GRHL1: variants seen among roughly 807,000 people sequenced by gnomAD.
GRHL1 encodes grainyhead like transcription factor 1.
In GRHL1, 38 loss-of-function variants were observed where a neutral mutation model predicts 75.7. The observed-to-expected ratio is 0.50, with a 90% CI of 0.39 to 0.66. GRHL1 has a LOEUF of 0.66. Ranked by LOEUF, GRHL1 falls within the 30% of genes least tolerant of loss-of-function variation. The pLI, the probability that GRHL1 is intolerant of heterozygous loss-of-function variation, is 0.00. For missense variants in GRHL1, 589 were observed against 767.5 expected, an observed-to-expected ratio of 0.77 and a Z score of 2.75; for synonymous variants, 266 against 279.4, an observed-to-expected ratio of 0.95 and a Z score of 0.48.
At chr2:9,981,021 A>G (rs1668174396) in intron 8 of GRHL1, among the ~76,000 whole-genome samples, 1 of 152,252 alleles carries the variant, frequency 6.6e-6, no homozygotes, top group South Asian at 2.1e-4. Flanking sequence ...GGGGCTGCCC[A>G]TTAGGTAGAA....
At chr2:9,991,913 T>C in intron 10 of GRHL1, 94 bp from the exon 11 acceptor site, 1 of 919,998 alleles carries the variant, frequency 1.1e-6, no homozygotes, top group Non-Finnish European at 1.6e-6. Flanking sequence ...ACTTGGAGTA[T>C]CTTACTCAGA....
chr2:9,993,088 C>T (rs559843531), intron 11 of GRHL1, 119 bp from the exon 12 acceptor site: 1 of 841,268 alleles, frequency 1.2e-6, no homozygotes, highest in African/African-American at 1.7e-5. Flanking sequence ...AAAACTAAGG[C>T]TAAAGGATTT....
intron 2 of GRHL1, among the ~76,000 whole-genome samples, chr2:9,957,084 T>A (rs1340481332): frequency 6.7e-6 from 1 of 150,028 alleles, no homozygotes; most frequent in Admixed American, 6.7e-5. Context: ...CACTGCAACC[T>A]CAACCTCCTG....
At chr2:9,999,472 G>A (rs558595532) in intron 15 of GRHL1, among the ~76,000 whole-genome samples, 6 of 152,336 alleles carry the variant, frequency 3.9e-5, no homozygotes, top group Middle Eastern at 3.4e-3. Flanking sequence ...GGTTGGGCAC[G>A]TCCCACGGTG....
intron 14 of GRHL1, 113 bp downstream of exon 14, chr2:9,996,514 C>T (rs567988210): frequency 7.2e-5 from 56 of 781,102 alleles, no homozygotes; most frequent in Non-Finnish European, 1.1e-4. Flanking sequence ...CTTCTGGAAT[C>T]CCTGACACCT....
intron 12 of GRHL1, among the ~76,000 whole-genome samples, chr2:9,994,067 G>GCTA (rs1668754423): frequency 7.0e-6 from 1 of 142,462 alleles, no homozygotes; most frequent in Non-Finnish European, 1.5e-5. Flanking sequence ...GGGGGCTGAC[G>GCTA]CTACCCCTCT....
At chr2:9,979,017 A>G (rs1668075845) in intron 8 of GRHL1, among the ~76,000 whole-genome samples, 1 of 151,386 alleles carries the variant, frequency 6.6e-6, no homozygotes. Context: ...AAAATTAGCC[A>G]GATGTAGTGG....
chr2:9,982,268 C>T (rs756656772), intron 8 of GRHL1, among the ~76,000 whole-genome samples: 6 of 152,154 alleles, frequency 3.9e-5, no homozygotes, highest in Non-Finnish European at 5.9e-5. Flanking sequence ...CTTTAATAAT[C>T]TCAGAGTTTT....
rs1477527993 is a variant in GRHL1, at chr2:10,001,970, G to A, written c.*1263G>A. ...TGTTACTATGGCAGGGGAACATTTTGTACACATTTAAGTATATAAAAATAC... is the reference window on the plus strand; with the variant it reads ...TGTTACTATGGCAGGGGAACATTTTATACACATTTAAGTATATAAAAATAC... On this transcript the variant is annotated 3_prime_UTR_variant, in exon 16 of 16. Transcript: ENST00000324907. 2.6e-5 allele frequency: 4 copies of A among 152,552 alleles called. No individual in the cohort carries two copies. The highest frequency in any genetic ancestry group is 5.9e-5 in the Non-Finnish European group (4 of 68,026). 9.4% of individuals were successfully genotyped at this position (152,552 alleles called of 1,614,324 possible).
At chr2:9,960,604 A>T (rs1344883525) in intron 3 of GRHL1, 1 of 162,152 alleles carries the variant, frequency 6.2e-6, no homozygotes, top group African/African-American at 2.4e-5. Flanking sequence ...ATGAGAATGG[A>T]TGCCATTATT....
chr2:9,983,515 C>T (rs569713952), intron 8 of GRHL1, among the ~76,000 whole-genome samples: 8 of 152,240 alleles, frequency 5.3e-5, no homozygotes, highest in African/African-American at 1.9e-4. Context: ...GGCCCCTGCT[C>T]ATTTCTTTTT....
intron 1 of GRHL1, among the ~76,000 whole-genome samples, chr2:9,952,663 T>G (rs1399184276): frequency 6.6e-6 from 1 of 152,238 alleles, no homozygotes; most frequent in African/African-American, 2.4e-5. Flanking sequence ...TTTCTGTATT[T>G]TCTTTGCAGC....
chr2:9,953,155 C>G (rs1336560869), intron 1 of GRHL1: 1 of 444,702 alleles, frequency 2.2e-6, no homozygotes, highest in African/African-American at 2.0e-5. Flanking sequence ...TATGAAACAC[C>G]TTCAGGGTGA....
chr2:9,999,091 T>A, intron 15 of GRHL1, 62 bp downstream of exon 15: 1 of 761,072 alleles, frequency 1.3e-6, no homozygotes, highest in East Asian at 3.2e-5. Context: ...AGTGCTAGTG[T>A]GACGCACCCC....
chr2:9,962,666 G>A, intron 5 of GRHL1, 135 bp downstream of exon 5: 1 of 626,132 alleles, frequency 1.6e-6, no homozygotes, highest in Middle Eastern at 3.0e-4. Context: ...GTACAGTCTT[G>A]GGTAGAGGAC....
chr2:9,978,168 G>A (rs558445947), intron 8 of GRHL1, among the ~76,000 whole-genome samples: 1 of 152,290 alleles, frequency 6.6e-6, no homozygotes, highest in South Asian at 2.1e-4. Flanking sequence ...TGAGATTTGG[G>A]TGGGGACACA....
intron 8 of GRHL1, among the ~76,000 whole-genome samples, chr2:9,982,530 T>G (rs1026246413): frequency 6.6e-6 from 1 of 152,244 alleles, no homozygotes; most frequent in Non-Finnish European, 1.5e-5. Context: ...GTCAGAGTTG[T>G]GAGGCACTGT....
chr2:9,997,155 T>C (rs937133848), intron 14 of GRHL1, among the ~76,000 whole-genome samples: 1 of 152,194 alleles, frequency 6.6e-6, no homozygotes, highest in African/African-American at 2.4e-5. Context: ...TAACACATCT[T>C]GATAAAGGGC....
At chr2:9,975,173 G>T (rs1254469488) in intron 8 of GRHL1, among the ~76,000 whole-genome samples, 1 of 152,186 alleles carries the variant, frequency 6.6e-6, no homozygotes, top group Non-Finnish European at 1.5e-5. Flanking sequence ...GTCTTCTGCA[G>T]CCCTAAGTCA....
Sources: allele counts gnomAD v4.1 joint callset (sites outside exome capture counted in the v4.1 genomes callset), GRCh38; gene constraint gnomAD v4.1.1; transcripts MANE v1.5; gene names NCBI Gene and HGNC (gene_info 2026-07-23, HGNC 2026-07-21).